MTMR8: variants seen among roughly 807,000 people sequenced by gnomAD.
The protein encoded by MTMR8 is phosphatidylinositol-3,5-bisphosphate 3-phosphatase MTMR8.
In MTMR8, 65 loss-of-function variants were observed where a neutral mutation model predicts 39.3. The observed-to-expected ratio is 1.65, with a 90% CI of 1.35 to 2.03. MTMR8 has a LOEUF of 2.03. MTMR8 is among the 30% of genes most tolerant of loss of function. MTMR8 has a pLI of 0.00. For missense variants in MTMR8, 777 were observed against 538.9 expected (o/e 1.44, Z -4.37); for synonymous variants, 245 against 185.2 (o/e 1.32, Z -2.62).
At chrX:64,274,506 G>A (rs1931830516) in intron 12 of MTMR8, among the ~76,000 whole-genome samples, 1 of 111,539 alleles carries the variant, frequency 9.0e-6, no homozygotes, top group African/African-American at 3.3e-5. Flanking sequence ...TGGTACAGAG[G>A]TTTGACAAAA....
intron 5 of MTMR8, 116 bp from the exon 6 acceptor site, chrX:64,348,910 G>T: frequency 1.3e-6 from 1 of 795,638 alleles, no homozygotes; most frequent in Non-Finnish European, 1.8e-6. Context: ...TTAAGATAGT[G>T]TCCAAAGCAA....
At chrX:64,299,315 T>G (rs1434162054) in intron 12 of MTMR8, among the ~76,000 whole-genome samples, 19 of 80,983 alleles carry the variant, frequency 2.3e-4, no homozygotes, top group Non-Finnish European at 3.5e-4. Context: ...TGGGAGAGTG[T>G]ATGTGTCGAG....
At chrX:64,292,250 A>T (rs372065444) in intron 12 of MTMR8, among the ~76,000 whole-genome samples, 21 of 111,304 alleles carry the variant, frequency 1.9e-4, no homozygotes, top group African/African-American at 6.9e-4. Flanking sequence ...TGCTTTAGAT[A>T]CTCTCATTCT....
intron 8 of MTMR8, among the ~76,000 whole-genome samples, chrX:64,340,479 G>A (rs746687329): frequency 1.4e-4 from 15 of 110,957 alleles, no homozygotes; most frequent in Non-Finnish European, 2.3e-4. Context: ...TCTGAAAGGA[G>A]GGGGAGGCTT....
At chrX:64,287,935 G>A (rs1387986419) in intron 12 of MTMR8, among the ~76,000 whole-genome samples, 1 of 91,117 alleles carries the variant, frequency 1.1e-5, no homozygotes, top group African/African-American at 4.0e-5. Context: ...AACACCAAAA[G>A]CAATGTCAAC....
intron 1 of MTMR8, among the ~76,000 whole-genome samples, chrX:64,371,534 A>G (rs1924131280): frequency 9.0e-6 from 1 of 111,238 alleles, no homozygotes; most frequent in Non-Finnish European, 1.9e-5. Flanking sequence ...TTGACCCAAT[A>G]CCCTACTGTT....
intron 12 of MTMR8, among the ~76,000 whole-genome samples, chrX:64,297,259 T>A (rs1262252686): frequency 9.5e-6 from 1 of 105,766 alleles, no homozygotes; most frequent in African/African-American, 3.4e-5. Flanking sequence ...CCTGACTTTT[T>A]AATGATTGCC....
chrX:64,378,720 A>T (rs982641084), intron 1 of MTMR8, among the ~76,000 whole-genome samples: 4 of 112,630 alleles, frequency 3.6e-5, no homozygotes, highest in Non-Finnish European at 7.5e-5. Context: ...CAATAATCTA[A>T]GCTTTTACCT....
chrX:64,387,560 C>T (rs920601203), intron 1 of MTMR8, among the ~76,000 whole-genome samples: 1 of 110,256 alleles, frequency 9.1e-6, no homozygotes, highest in African/African-American at 3.3e-5. Context: ...ACCCTCCCCT[C>T]TTTCTACTCA....
chrX:64,334,570 TAAAAAAAAAA>T (rs537003359), intron 10 of MTMR8, among the ~76,000 whole-genome samples: 2 of 69,328 alleles, frequency 2.9e-5, no homozygotes, highest in African/African-American at 9.4e-5. Flanking sequence ...TCTTTCAGCT[TAAAAAAAAAA>T]AAAAAAAAAA....
intron 12 of MTMR8, among the ~76,000 whole-genome samples, chrX:64,300,651 G>A (rs1171132176): frequency 2.0e-5 from 2 of 102,061 alleles, no homozygotes; most frequent in Non-Finnish European, 4.0e-5. Context: ...CTCGTTAGTT[G>A]ATGCAGTTTC....
chrX:64,395,435 T>C lies in MTMR8; in HGVS notation c.-72A>G. ...CGCCGCCACCGGTCTAGCCGCCTCC[T>C]GCCTCAACCCGGGTTTCTACCCCCG... On this transcript the variant is annotated 5_prime_UTR_variant, in exon 1 of 14. Coordinates refer to ENST00000374852, the MANE Select transcript of MTMR8 (RefSeq NM_017677.4). The C allele has an allele frequency of 5.4e-6, 6 of 1,116,164 alleles. No individual in the cohort carries two copies. The highest frequency in any genetic ancestry group is 7.4e-6 in the Non-Finnish European group (6 of 814,646). The allele number at this position is 1,116,164 out of a possible 1,213,427, so 92.0% of individuals were successfully genotyped here. A position where few individuals can be genotyped will look rare whatever the true frequency, so the allele number is the denominator to read the frequency against.
rs770423343 is a variant in MTMR8 at position 64,329,646 on chromosome X, C to T, written c.1353-746G>A. On this transcript the variant is annotated intron_variant, in intron 11 of 13. Transcript: ENST00000374852. ...ACTGTATAACCACCCATGAGAAGGT[C>T]ATTTGCACACACACCATGTCAAAGG... is the stretch of plus-strand genomic sequence containing the variant. Among the ~76,000 whole-genome samples, 8 of 111,011 alleles carry T rather than the reference C, an allele frequency of 7.2e-5. No individual in the cohort carries two copies. In the East Asian group the frequency reaches 2.0e-3, roughly 28 times the overall value.
At chrX:64,365,678 G>A (rs1316922847) in intron 1 of MTMR8, among the ~76,000 whole-genome samples, 6 of 111,479 alleles carry the variant, frequency 5.4e-5, no homozygotes, top group East Asian at 2.8e-4. Flanking sequence ...AAAGATCATC[G>A]AGGCTAGGAA....
intron 1 of MTMR8, among the ~76,000 whole-genome samples, chrX:64,380,386 G>T (rs1276738628): frequency 8.9e-6 from 1 of 112,609 alleles, no homozygotes; most frequent in Non-Finnish European, 1.9e-5. Context: ...TGGGCTATAT[G>T]CCAGGGGAGA....
intron 12 of MTMR8, among the ~76,000 whole-genome samples, chrX:64,308,575 C>A (rs1204087868): frequency 9.0e-6 from 1 of 110,583 alleles, no homozygotes; most frequent in Non-Finnish European, 1.9e-5. Flanking sequence ...ATTTTTCTGA[C>A]AATATTTCCT....
At chrX:64,285,882 T>C (rs970322168) in intron 12 of MTMR8, among the ~76,000 whole-genome samples, 1 of 110,732 alleles carries the variant, frequency 9.0e-6, no homozygotes, top group African/African-American at 3.3e-5. Flanking sequence ...AGGAAAGATC[T>C]AAAATTGACA....
chrX:64,367,048 A>G (rs1184889295), intron 1 of MTMR8, among the ~76,000 whole-genome samples: 4 of 112,045 alleles, frequency 3.6e-5, no homozygotes, highest in African/African-American at 1.3e-4. Flanking sequence ...CCCTCCCAAG[A>G]CTAAACTAGG....
In MTMR8 at chrX:64,299,400, T is replaced by G. The variant is rs1485781928; in HGVS notation, c.1482-28327A>C. 2.7e-3 allele frequency among the ~76,000 whole-genome samples: 285 copies of G among 105,743 alleles called. 2 individuals carry two copies. The highest frequency in any genetic ancestry group is 6.8e-3 in the African/African-American group (191 of 28,044). The allele number at this position is 105,743 out of a possible 115,157, so 91.8% of individuals were successfully genotyped here. ...TTGTAGTATTCTCTGATGGTAGTTT[T>G]TATTTCTGTGGGATTGGTGGTGATA... On this transcript the variant is annotated intron_variant, in intron 12 of 13. Coordinates refer to ENST00000374852, the MANE Select transcript of MTMR8 (RefSeq NM_017677.4).
Sources: gnomAD v4.1 joint callset for allele counts (sites outside exome capture counted in the v4.1 genomes callset) on GRCh38, gnomAD v4.1.1 for gene constraint, MANE v1.5 for transcripts, NCBI Gene and HGNC (gene_info 2026-07-23, HGNC 2026-07-21) for gene names.